Variants in MLLT10 observed in about 807,000 individuals in gnomAD.
The protein encoded by MLLT10 is protein AF-10.
MLLT10 carries 30 observed loss-of-function variants against 129.1 expected under a neutral mutation model. That is an observed-to-expected ratio of 0.23 (90% confidence interval 0.17 to 0.32). The LOEUF (loss-of-function observed/expected upper bound fraction) is 0.32, where lower values mean the gene tolerates loss of function less well. MLLT10 is among the 10% of genes least tolerant of loss of function. The pLI is 1.00. For missense variants in MLLT10, 1,119 were observed against 1,268.3 expected (o/e 0.88, Z 1.79); for synonymous variants, 490 against 446.4 (o/e 1.10, Z -1.23).
At chr10:21,577,623 C>T (rs1218864625) in intron 3 of MLLT10, among the ~76,000 whole-genome samples, 2 of 152,024 alleles carry the variant, frequency 1.3e-5, no homozygotes, top group Non-Finnish European at 2.9e-5. Flanking sequence ...AGGCACCCAC[C>T]ATCATGCCGG....
chr10:21,734,164 A>G (rs1338246257), intron 20 of MLLT10, 35 bp downstream of exon 20: 3 of 1,554,716 alleles, frequency 1.9e-6, no homozygotes, highest in African/African-American at 1.4e-5. Context: ...GTTTTTTAGT[A>G]TAACAGAGTA....
In MLLT10 at chr10:21,642,725, G is replaced by A. The variant is rs548719882; in HGVS notation, c.700-8948G>A. 1.3e-5 allele frequency among the ~76,000 whole-genome samples: 2 copies of A among 151,962 alleles called. 1 individual carries two copies. The highest frequency in any genetic ancestry group is 4.2e-4 in the South Asian group (2 of 4,798). Reference sequence around the variant, plus strand: ...TTATCCTGATTGAAACCTATTCCAGGCCTAAAGCAGTCAGTGGCTAAAGAG... The same window carrying A: ...TTATCCTGATTGAAACCTATTCCAGACCTAAAGCAGTCAGTGGCTAAAGAG... On this transcript the variant is annotated intron_variant, in intron 8 of 22. Coordinates refer to ENST00000307729, the MANE Select transcript of MLLT10 (RefSeq NM_001195626.3).
At chr10:21,730,765 G>A in intron 16 of MLLT10, 135 bp from the exon 17 acceptor site, 1 of 780,150 alleles carries the variant, frequency 1.3e-6, no homozygotes, top group Non-Finnish European at 2.1e-6. Flanking sequence ...CTAAATCCAG[G>A]AACCTGATAC....
At chr10:21,649,624 G>A (rs974981933) in intron 8 of MLLT10, among the ~76,000 whole-genome samples, 10 of 152,338 alleles carry the variant, frequency 6.6e-5, no homozygotes, top group Non-Finnish European at 1.5e-4. Flanking sequence ...GGCGCCAGGC[G>A]CTGCTGGCTA....
At chr10:21,707,806 A>G (rs907088007) in intron 13 of MLLT10, among the ~76,000 whole-genome samples, 1 of 152,080 alleles carries the variant, frequency 6.6e-6, no homozygotes, top group African/African-American at 2.4e-5. Flanking sequence ...TTTGTCTTTT[A>G]CCAGCCTCTC....
At chr10:21,641,475 C>T (rs773539051) in intron 8 of MLLT10, among the ~76,000 whole-genome samples, 1 of 151,888 alleles carries the variant, frequency 6.6e-6, no homozygotes, top group African/African-American at 2.4e-5. Context: ...AGAAAGAGAC[C>T]CTGTCTGTAT....
chr10:21,657,358 A>C (rs1369450418), intron 9 of MLLT10, among the ~76,000 whole-genome samples: 1 of 142,338 alleles, frequency 7.0e-6, no homozygotes, highest in Non-Finnish European at 1.5e-5. Context: ...GTAGCACTGC[A>C]CTCCAGACTG....
chr10:21,626,313 G>T (rs1564532768), intron 8 of MLLT10: 1 of 1,081,396 alleles, frequency 9.2e-7, no homozygotes, highest in Non-Finnish European at 1.4e-6. Flanking sequence ...TGGTGGCTGG[G>T]CCCGTGAGAA....
chr10:21,551,800 C>CTTTTTTT, intron 3 of MLLT10: 1 of 346,810 alleles, frequency 2.9e-6, no homozygotes, highest in South Asian at 2.1e-5. Context: ...GTCTCTCTCT[C>CTTTTTTT]TTTTTTTTTT....
intron 9 of MLLT10, among the ~76,000 whole-genome samples, chr10:21,661,255 A>G (rs943924431): frequency 6.6e-6 from 1 of 152,198 alleles, no homozygotes; most frequent in Non-Finnish European, 1.5e-5. Flanking sequence ...AAGCTGGAGA[A>G]TAGAAGAATG....
chr10:21,740,044 C>T lies in MLLT10; in HGVS notation c.2970C>T (p.Ala990=). 1 of 1,608,604 alleles carries T rather than the reference C, an allele frequency of 6.2e-7. No individual in the cohort carries two copies. Among genetic ancestry groups the T allele is most frequent in the Non-Finnish European group, 8.5e-7 (1 of 1,177,106 alleles). Residue 990 remains alanine, a synonymous_variant, in exon 22 of 23, where the codon GCC becomes GCT. Coordinates refer to ENST00000307729, the MANE Select transcript of MLLT10 (RefSeq NM_001195626.3). The part of the protein sequence containing the change: ...SQQLTPEQHQ[A]FLYQLMQHHH... ...TTTTGCCTAAGGAACAACATCAAGCCTTTTTGTATCAGTTAATGCAACATC... is the reference window on the plus strand; with the variant it reads ...TTTTGCCTAAGGAACAACATCAAGCTTTTTTGTATCAGTTAATGCAACATC...
chr10:21,652,526 G>A (rs2049145109), intron 9 of MLLT10, among the ~76,000 whole-genome samples: 1 of 152,208 alleles, frequency 6.6e-6, no homozygotes, highest in Non-Finnish European at 1.5e-5. Flanking sequence ...TAAATATTAA[G>A]TAGTATTAGG....
Position 21,733,852 on chromosome 10 carries a change from G to A in MLLT10, c.2581G>A (p.Gly861Ser). 6.2e-7 allele frequency: 1 copy of A among 1,614,158 alleles called. No homozygotes were observed. The highest frequency in any genetic ancestry group is 8.5e-7 in the Non-Finnish European group (1 of 1,180,032). The change falls in exon 20 of 23, where the codon GGC becomes AGC. Residue 861 changes from glycine to serine, a missense_variant. Transcript: ENST00000307729. ...TGCTGGGCAGAGTCCGGCTCAACAA[G>A]GCTCAGGAGTGAGTGGAGTTCAGCA... is the stretch of plus-strand genomic sequence containing the variant. ...PPAGQSPAQQ[G>S]SGVSGVQQVN...
At chr10:21,610,608 C>T (rs185367042) in intron 5 of MLLT10, among the ~76,000 whole-genome samples, 76 of 150,954 alleles carry the variant, frequency 5.0e-4, no homozygotes, top group African/African-American at 1.7e-3. Flanking sequence ...CTGGATGTTT[C>T]ACCCCCCTTC....
chr10:21,553,090 C>T (rs1488510693), intron 3 of MLLT10, among the ~76,000 whole-genome samples: 5 of 152,018 alleles, frequency 3.3e-5, no homozygotes, highest in Admixed American at 2.6e-4. Flanking sequence ...CCCCCTACTC[C>T]CCTGTTTCTT....
intron 5 of MLLT10, among the ~76,000 whole-genome samples, chr10:21,597,659 A>AC (rs2043145110): frequency 6.6e-6 from 1 of 152,158 alleles, no homozygotes; most frequent in African/African-American, 2.4e-5. Flanking sequence ...GGCGTGAGCC[A>AC]CCCCACCCGG....
intron 14 of MLLT10, 84 bp downstream of exon 14, chr10:21,714,034 C>G: frequency 1.7e-6 from 2 of 1,160,000 alleles, no homozygotes. Context: ...AAACAAATGA[C>G]ATAGGGCCTT....
chr10:21,711,238 C>T (rs1299215177), intron 13 of MLLT10, among the ~76,000 whole-genome samples: 1 of 151,956 alleles, frequency 6.6e-6, no homozygotes, highest in Non-Finnish European at 1.5e-5. Context: ...GCCTGGCCGA[C>T]ATGGTGAAAC....
intron 3 of MLLT10, among the ~76,000 whole-genome samples, chr10:21,562,546 G>A (rs1420995579): frequency 2.0e-5 from 3 of 151,108 alleles, no homozygotes; most frequent in Non-Finnish European, 4.4e-5. Flanking sequence ...CCATGTTGGC[G>A]AGGCTGGTTT....
Sources: gnomAD v4.1 joint callset for allele counts (sites outside exome capture counted in the v4.1 genomes callset) on GRCh38, gnomAD v4.1.1 for gene constraint, MANE v1.5 for transcripts, NCBI Gene and HGNC (gene_info 2026-07-23, HGNC 2026-07-21) for gene names.